The following MAGI2 variants were observed in gnomAD, a reference collection of about 807,000 sequenced individuals.
The protein encoded by MAGI2 is membrane associated guanylate kinase, WW and PDZ domain containing 2.
Under a neutral mutation model 133.3 loss-of-function variants are expected in MAGI2, and 35 were observed. That is an observed-to-expected ratio of 0.26 (90% CI 0.20 to 0.35). The LOEUF is 0.35. Ranked by LOEUF, MAGI2 falls within the 10% of genes least tolerant of loss-of-function variation. The probability of loss-of-function intolerance (pLI) is 1.00; values close to 1 mark genes in which losing one functional copy is unlikely to be tolerated. For synonymous variants in MAGI2, 729 were observed against 710.6 expected (o/e 1.03, Z -0.41); for missense variants, 1,636 against 1,863.4 (o/e 0.88, Z 2.25).
chr7:78,437,271 C>A (rs577466930), intron 6 of MAGI2, among the ~76,000 whole-genome samples: 7 of 152,256 alleles, frequency 4.6e-5, no homozygotes, highest in African/African-American at 1.7e-4. Flanking sequence ...GCAGCTCACA[C>A]GTGAGCAGGA....
At chr7:78,252,065 G>C (rs2150939394) in intron 10 of MAGI2, 1 of 151,742 alleles carries the variant, frequency 6.6e-6, no homozygotes, top group South Asian at 2.1e-4. Flanking sequence ...TTGAGCCCAG[G>C]AGTTTGAGGC....
intron 16 of MAGI2, among the ~76,000 whole-genome samples, chr7:78,140,691 C>T (rs1479262545): frequency 3.9e-5 from 6 of 152,126 alleles, no homozygotes; most frequent in African/African-American, 9.7e-5. Flanking sequence ...CAATAATATA[C>T]GTGAAAATTA....
chr7:78,160,170 G>A lies in MAGI2; in HGVS notation c.2700C>T (p.Ala900=). The A allele has an allele frequency of 1.2e-6, 2 of 1,612,904 alleles. No homozygotes were observed. Among genetic ancestry groups the A allele is most frequent in the Non-Finnish European group, 1.7e-6 (2 of 1,179,434 alleles). ...YATYTNSNHA[A]PSSNASPPEG... ...CAGGGGGAGAGGCATTGCTACTGGG[G>A]GCAGCGTGGTTGCTGTTGGTGTAGG... Residue 900 remains alanine (A), a synonymous_variant, in exon 16 of 22, where the codon GCC becomes GCT. Transcript: ENST00000354212.
chr7:79,255,418 A>G (rs1037435140), intron 1 of MAGI2, among the ~76,000 whole-genome samples: 1 of 152,206 alleles, frequency 6.6e-6, no homozygotes, highest in African/African-American at 2.4e-5. Context: ...AGGTAATGCA[A>G]GCACCACTGA....
At chr7:78,798,203 T>C (rs1318824532) in intron 2 of MAGI2, among the ~76,000 whole-genome samples, 6 of 152,148 alleles carry the variant, frequency 3.9e-5, no homozygotes, top group Admixed American at 3.3e-4. Context: ...AATTAATAGT[T>C]GTGAAAACTA....
At chr7:78,458,232 G>C (rs1789537884) in intron 6 of MAGI2, among the ~76,000 whole-genome samples, 1 of 148,574 alleles carries the variant, frequency 6.7e-6, no homozygotes. Flanking sequence ...GCAGTCGGAG[G>C]TTGCAGTGAG....
chr7:78,941,731 C>CACACACACAA (rs773016993), intron 2 of MAGI2, among the ~76,000 whole-genome samples: 3,756 of 61,052 alleles, frequency 0.062, 49 homozygotes, highest in Non-Finnish European at 0.074. Flanking sequence ...TATTTCATCA[C>CACACACACAA]ACACACACAC....
rs549572658 is a variant in MAGI2 at position 79,293,158 on chromosome 7, A to G, written c.301+159862T>C. 7.9e-5 allele frequency among the ~76,000 whole-genome samples: 12 copies of G among 152,208 alleles called. No homozygotes were observed. In the South Asian group the frequency reaches 1.0e-3, roughly 13 times the overall value. On this transcript the variant is annotated intron_variant, in intron 1 of 21. Coordinates refer to ENST00000354212, the MANE Select transcript of MAGI2 (RefSeq NM_012301.4). ...TCCTATATCAGACCCTTTGTTTTCT[A>G]TGTTCCCTTGTCTGAAATCCTCTTC...
chr7:79,048,342 T>TAC (rs1812362322), intron 1 of MAGI2, among the ~76,000 whole-genome samples: 1 of 152,152 alleles, frequency 6.6e-6, no homozygotes, highest in African/African-American at 2.4e-5. Flanking sequence ...GAAATAATAT[T>TAC]ACACACACAC....
chr7:79,169,010 G>A lies in MAGI2; in HGVS notation c.302-161804C>T, dbSNP rs141376101. ...TAATCTTTTGCCTAGTGGTATTAGC[G>A]GCCATTGTTGAGCCCTTGCCTGAAT... On this transcript the variant is annotated intron_variant, in intron 1 of 21. Transcript: ENST00000354212. Among the ~76,000 whole-genome samples the A allele has an allele frequency of 6.0e-4, 89 of 149,536 alleles. 1 individual carries two copies. Among genetic ancestry groups the A allele is most frequent in the African/African-American group, 1.9e-3 (79 of 40,682 alleles).
intron 1 of MAGI2, among the ~76,000 whole-genome samples, chr7:79,365,257 G>T (rs373265810): frequency 1.3e-5 from 2 of 152,282 alleles, no homozygotes; most frequent in South Asian, 4.1e-4. Context: ...AGAGAATGTG[G>T]AGAACTGAAT....
chr7:79,404,152 A>C (rs1845651498), intron 1 of MAGI2, among the ~76,000 whole-genome samples: 1 of 152,174 alleles, frequency 6.6e-6, no homozygotes, highest in Non-Finnish European at 1.5e-5. Context: ...AGGATACAGC[A>C]ACCATGCGTT....
At chr7:79,420,296 C>T (rs1234066837) in intron 1 of MAGI2, among the ~76,000 whole-genome samples, 1 of 151,960 alleles carries the variant, frequency 6.6e-6, no homozygotes, top group Non-Finnish European at 1.5e-5. Context: ...TTCTATAAAA[C>T]TAGATGGATA....
Position 78,019,148 on chromosome 7 carries a change from T to C in MAGI2, c.*167A>G. The C allele has an allele frequency of 1.3e-6, 1 of 771,754 alleles. No homozygotes were observed. The highest frequency in any genetic ancestry group is 1.8e-5 in the South Asian group (1 of 55,730). The allele number at this position is 771,754 out of a possible 1,614,324, so 47.8% of individuals were successfully genotyped here. A position where few individuals can be genotyped will look rare whatever the true frequency, so the allele number is the denominator to read the frequency against. On this transcript the variant is annotated 3_prime_UTR_variant, in exon 22 of 22. Transcript: ENST00000354212. ...AGTTTAGGTCTGCGCGTTGATGCGA[T>C]GCCGCCCAAGCACACCGGACACGTG...
In MAGI2 at chr7:78,432,975, C is replaced by A. The variant is rs376278299; in HGVS notation, c.1045+56786G>T. 3.6e-4 allele frequency among the ~76,000 whole-genome samples: 55 copies of A among 152,094 alleles called. No individual in the cohort carries two copies. In the Middle Eastern group the frequency reaches 0.024, roughly 66 times the overall value. On this transcript the variant is annotated intron_variant, in intron 6 of 21. Coordinates refer to ENST00000354212, the MANE Select transcript of MAGI2 (RefSeq NM_012301.4). ...AATATGTCCCCTAAGAGTTCACTAA[C>A]TAATTATGTATAAAATAACCTGGGT...
chr7:79,141,698 G>A (rs1467526852), intron 1 of MAGI2, among the ~76,000 whole-genome samples: 1 of 151,298 alleles, frequency 6.6e-6, no homozygotes, highest in Non-Finnish European at 1.5e-5. Context: ...TAGCTTCTTG[G>A]TACCCCATTA....
chr7:78,328,427 A>G (rs1788804871), intron 9 of MAGI2, among the ~76,000 whole-genome samples: 1 of 150,860 alleles, frequency 6.6e-6, no homozygotes. Context: ...AAGATGCCAG[A>G]AAATCCTGGC....
chr7:78,454,517 TACA>T (rs918931298), intron 6 of MAGI2, among the ~76,000 whole-genome samples: 7 of 152,166 alleles, frequency 4.6e-5, no homozygotes, highest in African/African-American at 1.4e-4. Context: ...GGCAGTTTCT[TACA>T]ACCCTAAACA....
intron 1 of MAGI2, among the ~76,000 whole-genome samples, chr7:79,326,468 T>C (rs988216524): frequency 5.9e-5 from 9 of 152,158 alleles, no homozygotes; most frequent in African/African-American, 2.2e-4. Context: ...TAAAGGAGCC[T>C]ATATTTTGAT....
Sources: allele counts gnomAD v4.1 joint callset (sites outside exome capture counted in the v4.1 genomes callset), GRCh38; gene constraint gnomAD v4.1.1; transcripts MANE v1.5; gene names NCBI Gene and HGNC (gene_info 2026-07-23, HGNC 2026-07-21).